NOL9: variants seen among roughly 807,000 people sequenced by gnomAD.
NOL9 encodes the protein nucleolar protein 9.
Under a neutral mutation model 67.9 loss-of-function variants are expected in NOL9, and 28 were observed. The ratio of observed to expected loss-of-function variants is 0.41; its 90% CI spans 0.31 to 0.57. The LOEUF is 0.57. Among genes scored for constraint, NOL9 ranks in the 20% least tolerant of loss-of-function variants. The probability of loss-of-function intolerance (pLI) is 0.25; values close to 1 mark genes in which losing one functional copy is unlikely to be tolerated. For missense variants in NOL9, 777 were observed against 897.0 expected (o/e 0.87, Z 1.71); for synonymous variants, 356 against 352.2 (o/e 1.01, Z -0.12).
intron 7 of NOL9, 135 bp downstream of exon 7, chr1:6,533,145 A>T: frequency 1.1e-6 from 1 of 881,020 alleles, no homozygotes; most frequent in Non-Finnish European, 1.7e-6. Flanking sequence ...ATTGCACTCC[A>T]GCCTGGGCGA....
intron 9 of NOL9, among the ~76,000 whole-genome samples, chr1:6,531,310 T>C (rs576682046): frequency 1.1e-3 from 166 of 151,952 alleles, no homozygotes; most frequent in Middle Eastern, 6.8e-3. Flanking sequence ...GCCTCCTGGG[T>C]TCAAGCGATT....
chr1:6,526,836 GAC>G lies in NOL9; in HGVS notation c.1826-9_1826-8del, dbSNP rs1638896303. 2 of 1,593,306 alleles carry G rather than the reference GAC, an allele frequency of 1.3e-6. No homozygotes were observed. Among genetic ancestry groups the G allele is most frequent in the African/African-American group, 1.4e-5 (1 of 73,954 alleles). On this transcript the variant is annotated splice_polypyrimidine_tract_variant and splice_region_variant and intron_variant, in intron 10 of 11. Transcript: ENST00000377705. ...TCAATGCCTCTACAGATGCCTTCAAGACACGCGCACAACACAAAAATCACCCT... is the reference window on the plus strand; with the variant it reads ...TCAATGCCTCTACAGATGCCTTCAAGACGCGCACAACACAAAAATCACCCT...
At position 6,524,711 on chromosome 1, in the gene NOL9, T is replaced by G. The variant is rs1416718844; in HGVS notation, c.*1143A>C. The G allele has an allele frequency of 6.6e-6, 1 of 152,110 alleles. No homozygotes were observed. The highest frequency in any genetic ancestry group is 1.5e-5 in the Non-Finnish European group (1 of 68,052). The allele number at this position is 152,110 out of a possible 1,614,324, so 9.4% of individuals were successfully genotyped here. ...GTCAATTTGGACAAATCTACTTTTA[T>G]AAGAGCCCCCAGAAGAGGTTTTCCA... On this transcript the variant is annotated 3_prime_UTR_variant, in exon 12 of 12. Coordinates refer to ENST00000377705, the MANE Select transcript of NOL9 (RefSeq NM_024654.5).
chr1:6,542,932 C>T lies in NOL9; in HGVS notation c.978-1005G>A, dbSNP rs1006596181. Among the ~76,000 whole-genome samples the T allele has an allele frequency of 1.6e-4, 24 of 151,628 alleles. No individual in the cohort carries two copies. In the East Asian group the frequency reaches 1.9e-3, roughly 12 times the overall value. ...ATTTTTTCTTGAGACAGGGTGTCAC[C>T]GAGTCACCCAGGCTGGAGTGCAGTG... On this transcript the variant is annotated intron_variant, in intron 5 of 11. Transcript: ENST00000377705.
Position 6,536,279 on chromosome 1 carries a change from G to A in NOL9, c.1076-2838C>T, listed in dbSNP as rs773438534. On this transcript the variant is annotated intron_variant, in intron 6 of 11. Coordinates refer to ENST00000377705, the MANE Select transcript of NOL9 (RefSeq NM_024654.5). ...GAGAATGGCGTGAACCCAGGAGGCG[G>A]AGCTTGCAGTGAGCCGAGATCACGC... is the stretch of plus-strand genomic sequence containing the variant. Among the ~76,000 whole-genome samples the A allele has an allele frequency of 5.9e-5, 9 of 151,766 alleles. No individual in the cohort carries two copies. In the South Asian group the frequency reaches 6.2e-4, roughly 11 times the overall value.
At position 6,549,701 on chromosome 1, in the gene NOL9, G is replaced by A; in HGVS notation, c.617-3C>T. 6.2e-7 allele frequency: 1 copy of A among 1,613,280 alleles called. No homozygotes were observed. Among genetic ancestry groups the A allele is most frequent in the Non-Finnish European group, 8.5e-7 (1 of 1,179,838 alleles). On this transcript the variant is annotated splice_region_variant and splice_polypyrimidine_tract_variant and intron_variant, in intron 2 of 11. Coordinates refer to ENST00000377705, the MANE Select transcript of NOL9 (RefSeq NM_024654.5). Reference sequence around the variant, plus strand: ...CTGCATCGACCAACGCCTGTCATCTGTAAAGAGAAAAATAAACCACCTTAG... The same window carrying A: ...CTGCATCGACCAACGCCTGTCATCTATAAAGAGAAAAATAAACCACCTTAG...
intron 5 of NOL9, among the ~76,000 whole-genome samples, chr1:6,544,543 A>ACCCCCCCCCCCC (rs33922236): frequency 4.1e-5 from 1 of 24,536 alleles, no homozygotes; most frequent in African/African-American, 9.5e-5. Flanking sequence ...GCACACACGC[A>ACCCCCCCCCCCC]CCCCCCCCCC....
chr1:6,534,889 C>T (rs1639114796), intron 6 of NOL9, among the ~76,000 whole-genome samples: 1 of 152,204 alleles, frequency 6.6e-6, no homozygotes, highest in African/African-American at 2.4e-5. Context: ...CTGCAACCTC[C>T]ACCTCCCGAG....
At chr1:6,548,012 G>T in intron 3 of NOL9, 1 of 297,712 alleles carries the variant, frequency 3.4e-6, no homozygotes, top group African/African-American at 2.2e-5. Flanking sequence ...AACAAAACTA[G>T]GCTGTCCCGA....
rs936710867 is a variant in NOL9 at position 6,533,404 on chromosome 1, C to T, written c.1113G>A (p.Met371Ile). ...PFTHLRTPQK[M>I]VYYGKPSCKN... ...TACAAGAAGGTTTCCCATAATATACCATCTTCTGTGGAGTCCTCAGGTGAG... is the reference window on the plus strand; with the variant it reads ...TACAAGAAGGTTTCCCATAATATACTATCTTCTGTGGAGTCCTCAGGTGAG... Residue 371 changes from methionine (M) to isoleucine (I), a missense_variant, in exon 7 of 12, where the codon ATG becomes ATA. This residue lies in a region of NOL9 where 413 missense variants were observed against 552.6 expected (regional missense o/e 0.75). Transcript: ENST00000377705. 6.2e-7 allele frequency: 1 copy of T among 1,611,730 alleles called. No homozygotes were observed. Among genetic ancestry groups the T allele is most frequent in the African/African-American group, 1.3e-5 (1 of 74,790 alleles).
intron 6 of NOL9, among the ~76,000 whole-genome samples, chr1:6,536,181 C>T (rs1436922977): frequency 8.2e-5 from 4 of 48,584 alleles, no homozygotes; most frequent in Non-Finnish European, 1.3e-4. Flanking sequence ...CCCATCTCTA[C>T]TAAAAATGCA....
chr1:6,525,856 A>G lies in NOL9; in HGVS notation c.2107T>C (p.Ter703ArgextTer5). Reference sequence around the variant, plus strand: ...TTCCCTTATTAAAAACGCGAGCATCACTTCATTTTTCGACAGAACTTAGGT... The same window carrying G: ...TTCCCTTATTAAAAACGCGAGCATCGCTTCATTTTTCGACAGAACTTAGGT... ...RRPKFCRKMK[*>R] The change falls in exon 12 of 12, where the codon TGA (stop) becomes CGA (arginine). Residue 703 changes from the stop codon to arginine, a stop_lost. Coordinates refer to ENST00000377705, the MANE Select transcript of NOL9 (RefSeq NM_024654.5). 6.2e-7 allele frequency: 1 copy of G among 1,613,860 alleles called. No individual in the cohort carries two copies. The highest frequency in any genetic ancestry group is 1.1e-5 in the South Asian group (1 of 91,070).
At chr1:6,546,158 A>G (rs1442668247) in intron 3 of NOL9, among the ~76,000 whole-genome samples, 9 of 152,170 alleles carry the variant, frequency 5.9e-5, no homozygotes, top group African/African-American at 1.2e-4. Flanking sequence ...TCCAGAATCT[A>G]CTGACACATC....
Position 6,532,738 on chromosome 1 carries a change from A to T in NOL9, c.1260T>A (p.Ile420=). 6.2e-7 allele frequency: 1 copy of T among 1,612,788 alleles called. No individual in the cohort carries two copies. The highest frequency in any genetic ancestry group is 8.5e-7 in the Non-Finnish European group (1 of 1,178,908). The part of the protein sequence containing the change: ...WVSDQGLLLL[I]DLIRLLSPSH... ...TGGGAGACAGCAATCGGATCAGATCAATGAGAAGCAGGAGCCCCTGGTCTG... is the reference window on the plus strand; with the variant it reads ...TGGGAGACAGCAATCGGATCAGATCTATGAGAAGCAGGAGCCCCTGGTCTG... Residue 420 remains isoleucine, a synonymous_variant, in exon 8 of 12, where the codon ATT becomes ATA. Transcript: ENST00000377705.
intron 5 of NOL9, among the ~76,000 whole-genome samples, chr1:6,544,400 A>T (rs1639368291): frequency 6.6e-6 from 1 of 151,582 alleles, no homozygotes; most frequent in South Asian, 2.1e-4. Context: ...CCATGGCTGT[A>T]GTCTCAGCTG....
In NOL9 at chr1:6,523,870, G is replaced by C. The variant is rs1212289388; in HGVS notation, c.*1984C>G. The C allele has an allele frequency of 6.6e-6, 1 of 152,168 alleles. No individual in the cohort carries two copies. Among genetic ancestry groups the C allele is most frequent in the Non-Finnish European group, 1.5e-5 (1 of 68,046 alleles). The allele number at this position is 152,168 out of a possible 1,614,324, so 9.4% of individuals were successfully genotyped here. A position where few individuals can be genotyped will look rare whatever the true frequency, so the allele number is the denominator to read the frequency against. On this transcript the variant is annotated 3_prime_UTR_variant, in exon 12 of 12. Coordinates refer to ENST00000377705, the MANE Select transcript of NOL9 (RefSeq NM_024654.5). ...AAAAGACTTGACCTTCATACAGGCCGCATTTAAAGCCTGAAGGCAAACCTA... is the reference window on the plus strand; with the variant it reads ...AAAAGACTTGACCTTCATACAGGCCCCATTTAAAGCCTGAAGGCAAACCTA...
At chr1:6,533,244 T>C (rs1639074328) in intron 7 of NOL9, 36 bp downstream of exon 7, 2 of 1,539,212 alleles carry the variant, frequency 1.3e-6, no homozygotes, top group African/African-American at 1.4e-5. Flanking sequence ...TCACACTGCC[T>C]GTCCTTCCCT....
In NOL9 at chr1:6,533,330, G is replaced by C; in HGVS notation, c.1187C>G (p.Ala396Gly). The C allele has an allele frequency of 1.2e-6, 2 of 1,613,100 alleles. No individual in the cohort carries two copies. The highest frequency in any genetic ancestry group is 1.7e-6 in the Non-Finnish European group (2 of 1,179,438). Residue 396 changes from alanine to glycine, a missense_variant, in exon 7 of 12, where the codon GCT (alanine) becomes GGT (glycine). Physicochemically the swap from Ala to Gly is moderately conservative, Grantham distance 60. This residue lies in a region of NOL9 where 413 missense variants were observed against 552.6 expected (regional missense o/e 0.75). Coordinates refer to ENST00000377705, the MANE Select transcript of NOL9 (RefSeq NM_024654.5). ...GATGAGAGGGGACTCTCTCTTGTAA[G>C]CGCTGAACACATATTTCACTATGTC... ...YIDIVKYVFS[A>G]YKRESPLIVN... is the part of the protein sequence containing the mutation.
intron 9 of NOL9, among the ~76,000 whole-genome samples, chr1:6,530,505 T>A (rs1410234684): frequency 6.6e-6 from 1 of 152,184 alleles, no homozygotes; most frequent in African/African-American, 2.4e-5. Flanking sequence ...CAGATTTAAG[T>A]ATTGGCAGAT....
Sources: gnomAD v4.1 joint callset for allele counts (sites outside exome capture counted in the v4.1 genomes callset) on GRCh38, gnomAD v4.1.1 for gene constraint, gnomAD v4.1.1 regional missense constraint, MANE v1.5 for transcripts, NCBI Gene and HGNC (gene_info 2026-07-23, HGNC 2026-07-21) for gene names.